Variants in NHERF2 observed in about 807,000 individuals in gnomAD.
NHERF2 encodes the protein Na(+)/H(+) exchange regulatory cofactor NHE-RF2.
chr16:2,033,200 C>T, the NHERF2 span: 1 of 1,475,776 alleles, frequency 6.8e-7, no homozygotes, highest in East Asian at 2.5e-5. Context: ...CACCCTGCTC[C>T]CCAGAGTGAC....
At chr16:2,033,789 C>T in the NHERF2 span, among the ~76,000 whole-genome samples, 25 of 152,248 alleles carry the variant, frequency 1.6e-4, no homozygotes, top group African/African-American at 5.1e-4. Flanking sequence ...CTATGAACGC[C>T]GCCCGAGCTC....
the NHERF2 span, chr16:2,036,813 T>C: frequency 6.2e-7 from 1 of 1,612,950 alleles, no homozygotes; most frequent in African/African-American, 1.3e-5. Context: ...CGGCTGCTGG[T>C]CGTGGACCCC....
the NHERF2 span, chr16:2,027,106 A>G: frequency 6.8e-7 from 1 of 1,466,062 alleles, no homozygotes; most frequent in Non-Finnish European, 9.0e-7. Flanking sequence ...CGCCGCGGGC[A>G]GTTCATCCGG....
At chr16:2,038,400 A>G in the NHERF2 span, 3 of 336,098 alleles carry the variant, frequency 8.9e-6, no homozygotes, top group South Asian at 2.0e-5. Flanking sequence ...AATACCAGAG[A>G]CCCCCCCCCT....
the NHERF2 span, chr16:2,035,254 C>T: frequency 3.5e-6 from 1 of 285,770 alleles, no homozygotes; most frequent in South Asian, 1.3e-4. Context: ...GGCGGTCCCC[C>T]CCGCTGACAT....
chr16:2,033,655 G>C, the NHERF2 span, among the ~76,000 whole-genome samples: 1 of 152,234 alleles, frequency 6.6e-6, no homozygotes, highest in Non-Finnish European at 1.5e-5. Context: ...TGGGGGACCA[G>C]GGATGGTCCA....
At chr16:2,031,500 G>A in the NHERF2 span, among the ~76,000 whole-genome samples, 2 of 152,222 alleles carry the variant, frequency 1.3e-5, no homozygotes, top group Non-Finnish European at 2.9e-5. Context: ...TCTGGAGGGT[G>A]CAGTGGCCCA....
the NHERF2 span, chr16:2,035,597 C>A: frequency 3.0e-6 from 3 of 986,802 alleles, no homozygotes; most frequent in Non-Finnish European, 3.6e-6. Context: ...GCCACCGCCG[C>A]CGCACCCTGG....
the NHERF2 span, among the ~76,000 whole-genome samples, chr16:2,037,197 G>A: frequency 6.6e-6 from 1 of 152,272 alleles, no homozygotes; most frequent in African/African-American, 2.4e-5. Context: ...CCCTGGGGTC[G>A]GGGCCACTGC....
chr16:2,029,720 C>A, the NHERF2 span: 2 of 1,556,710 alleles, frequency 1.3e-6, no homozygotes, highest in Non-Finnish European at 1.7e-6. Context: ...CGCCCACGAC[C>A]CCTGGGAGCC....
At chr16:2,036,678 T>C in the NHERF2 span, 5 of 1,598,108 alleles carry the variant, frequency 3.1e-6, no homozygotes, top group Non-Finnish European at 8.5e-7. Context: ...CACGCGGCGT[T>C]GGGGGCTGTC....
At chr16:2,027,660 G>A in the NHERF2 span, among the ~76,000 whole-genome samples, 10 of 152,242 alleles carry the variant, frequency 6.6e-5, no homozygotes, top group African/African-American at 1.9e-4. Flanking sequence ...CCCAGGAGGG[G>A]TCGCAGTAAA....
chr16:2,036,439 G>T, the NHERF2 span: 1 of 1,605,422 alleles, frequency 6.2e-7, no homozygotes, highest in Non-Finnish European at 8.5e-7. Flanking sequence ...CAGTACATCC[G>T]CTCTGTGGAC....
At chr16:2,029,768 G>A in the NHERF2 span, 20 of 1,374,678 alleles carry the variant, frequency 1.5e-5, no homozygotes, top group Middle Eastern at 2.0e-4. Flanking sequence ...CCACAGCTCC[G>A]AAGCTGGCAA....
chr16:2,032,134 C>T, the NHERF2 span, among the ~76,000 whole-genome samples: 1 of 151,510 alleles, frequency 6.6e-6, no homozygotes, highest in Non-Finnish European at 1.5e-5. The surrounding 1 kb of genome is among the most constrained non-coding windows in gnomAD (Gnocchi z 4.0). Flanking sequence ...ATTCTTATGT[C>T]TCAGCCTGCT....
chr16:2,027,092 G>A, the NHERF2 span: 1 of 1,460,078 alleles, frequency 6.8e-7, no homozygotes, highest in Non-Finnish European at 9.0e-7. Context: ...ACGGCGAGAA[G>A]GGCCGCCGCG....
chr16:2,037,568 A>G, the NHERF2 span: 1 of 1,612,820 alleles, frequency 6.2e-7, no homozygotes, highest in Non-Finnish European at 8.5e-7. Context: ...CTCGTCCCGA[A>G]GTGACCTGCC....
the NHERF2 span, among the ~76,000 whole-genome samples, chr16:2,030,393 GCTGTTCCTC>G: frequency 6.6e-6 from 1 of 152,164 alleles, no homozygotes; most frequent in Non-Finnish European, 1.5e-5. Flanking sequence ...GACCCTGTCT[GCTGTTCCTC>G]CTGGACTCCT....
the NHERF2 span, chr16:2,037,036 C>T: frequency 3.2e-6 from 5 of 1,547,724 alleles, no homozygotes; most frequent in Non-Finnish European, 4.4e-6. Context: ...CAGGGTGCCT[C>T]TGGGGGTACC....
Sources: gnomAD v4.1 joint callset for allele counts (sites outside exome capture counted in the v4.1 genomes callset) on GRCh38, gnomAD v4.1.1 for gene constraint, Gnocchi (gnomAD v3.1) non-coding constraint, MANE v1.5 for transcripts, NCBI Gene and HGNC (gene_info 2026-07-23, HGNC 2026-07-21) for gene names.